UBE2E2: variants seen among roughly 807,000 people sequenced by gnomAD.
The protein encoded by UBE2E2 is ubiquitin-conjugating enzyme E2 E2.
A neutral mutation model predicts 24.7 loss-of-function variants in UBE2E2; 6 were observed. The observed-to-expected ratio is 0.24, with a 90% CI of 0.13 to 0.48. The LOEUF is 0.48. Among genes scored for constraint, UBE2E2 ranks in the 20% least tolerant of loss-of-function variants. The pLI is 0.99. For missense variants in UBE2E2, 169 were observed against 245.0 expected, an observed-to-expected ratio of 0.69 and a Z score of 2.07; for synonymous variants, 104 against 83.6, an observed-to-expected ratio of 1.24 and a Z score of -1.33.
chr3:23,578,954 ACTACTG>A (rs1446972917), intron 5 of UBE2E2, among the ~76,000 whole-genome samples: 1 of 152,166 alleles, frequency 6.6e-6, no homozygotes. Flanking sequence ...TTTAAATACT[ACTACTG>A]GTTGATAATA....
chr3:23,262,284 A>G (rs1697922920), intron 3 of UBE2E2, among the ~76,000 whole-genome samples: 1 of 152,072 alleles, frequency 6.6e-6, no homozygotes, highest in African/African-American at 2.4e-5. Context: ...GCTCTTACCA[A>G]TTTTTTAAAT....
At chr3:23,512,924 A>ACATACATACATACATG (rs771837873) in intron 4 of UBE2E2, among the ~76,000 whole-genome samples, 1 of 151,968 alleles carries the variant, frequency 6.6e-6, no homozygotes, top group Non-Finnish European at 1.5e-5. Context: ...CCTTGACCAT[A>ACATACATACATACATG]CATACATACA....
chr3:23,422,042 T>C (rs1211247783), intron 3 of UBE2E2, among the ~76,000 whole-genome samples: 1 of 152,214 alleles, frequency 6.6e-6, no homozygotes, highest in Non-Finnish European at 1.5e-5. Context: ...ACAACATTAA[T>C]GGGGCTGCCA....
chr3:23,329,030 T>TA (rs1346991500), intron 3 of UBE2E2, among the ~76,000 whole-genome samples: 1 of 152,250 alleles, frequency 6.6e-6, no homozygotes, highest in Non-Finnish European at 1.5e-5. Flanking sequence ...ACTCAATACT[T>TA]ACGCCCTTGC....
intron 3 of UBE2E2, among the ~76,000 whole-genome samples, chr3:23,406,380 G>C (rs1697356694): frequency 6.6e-6 from 1 of 152,162 alleles, no homozygotes; most frequent in African/African-American, 2.4e-5. Flanking sequence ...GAACTGATAT[G>C]TTTAACTCTT....
chr3:23,568,829 T>C (rs1258790017), intron 5 of UBE2E2, among the ~76,000 whole-genome samples: 1 of 151,418 alleles, frequency 6.6e-6, no homozygotes, highest in Non-Finnish European at 1.5e-5. Context: ...AAATCTAGTA[T>C]CCACAGATAA....
At chr3:23,349,675 TA>T (rs1398994180) in intron 3 of UBE2E2, among the ~76,000 whole-genome samples, 5 of 152,150 alleles carry the variant, frequency 3.3e-5, no homozygotes, top group Admixed American at 1.3e-4. Flanking sequence ...GCAGCGAGGC[TA>T]GGGGAGGGGC....
intron 3 of UBE2E2, among the ~76,000 whole-genome samples, chr3:23,241,666 A>G (rs1697263375): frequency 6.6e-6 from 1 of 152,006 alleles, no homozygotes; most frequent in African/African-American, 2.4e-5. Context: ...TTCTTTCCGT[A>G]GGAGTTAACA....
At chr3:23,291,507 T>A (rs1698764033) in intron 3 of UBE2E2, among the ~76,000 whole-genome samples, 1 of 152,144 alleles carries the variant, frequency 6.6e-6, no homozygotes, top group African/African-American at 2.4e-5. Context: ...TTTAATAAAA[T>A]GCAGAGACCG....
At chr3:23,237,634 G>C (rs1697147994) in intron 3 of UBE2E2, among the ~76,000 whole-genome samples, 1 of 151,868 alleles carries the variant, frequency 6.6e-6, no homozygotes, top group Non-Finnish European at 1.5e-5. Context: ...TGTGTTTATT[G>C]GTGAAAACAT....
intron 3 of UBE2E2, among the ~76,000 whole-genome samples, chr3:23,313,973 A>G (rs910867835): frequency 6.6e-6 from 1 of 152,176 alleles, no homozygotes; most frequent in Non-Finnish European, 1.5e-5. Context: ...TAATATAACC[A>G]TTATTTTAAA....
intron 3 of UBE2E2, among the ~76,000 whole-genome samples, chr3:23,423,514 C>T (rs1368740669): frequency 6.6e-6 from 1 of 152,000 alleles, no homozygotes; most frequent in Non-Finnish European, 1.5e-5. Context: ...TTGTTTATTT[C>T]TTATCAGGAT....
chr3:23,314,641 G>A (rs945603319), intron 3 of UBE2E2, among the ~76,000 whole-genome samples: 9 of 152,266 alleles, frequency 5.9e-5, no homozygotes, highest in Admixed American at 5.2e-4. Context: ...GACAGGTCTG[G>A]TGTTGATGAA....
intron 3 of UBE2E2, among the ~76,000 whole-genome samples, chr3:23,319,640 C>T (rs1047111598): frequency 2.6e-5 from 4 of 151,310 alleles, no homozygotes; most frequent in Non-Finnish European, 5.9e-5. Flanking sequence ...TTGTGAAATC[C>T]CGTCTCTACT....
intron 3 of UBE2E2, among the ~76,000 whole-genome samples, chr3:23,459,636 A>G (rs1169176065): frequency 2.0e-5 from 3 of 152,140 alleles, no homozygotes; most frequent in South Asian, 2.1e-4. Flanking sequence ...TAACCTTTCT[A>G]TTGCTCTGAG....
chr3:23,302,604 A>T (rs1321401035), intron 3 of UBE2E2, among the ~76,000 whole-genome samples: 1 of 152,216 alleles, frequency 6.6e-6, no homozygotes, highest in Non-Finnish European at 1.5e-5. Flanking sequence ...AGAGCTGGAA[A>T]GTAGTAGGCA....
At chr3:23,368,080 G>A (rs1696307962) in intron 3 of UBE2E2, among the ~76,000 whole-genome samples, 1 of 152,104 alleles carries the variant, frequency 6.6e-6, no homozygotes, top group African/African-American at 2.4e-5. Context: ...TTCATTTTGT[G>A]ATGGCATTTG....
chr3:23,403,616 T>A (rs530430226), intron 3 of UBE2E2, among the ~76,000 whole-genome samples: 1 of 151,456 alleles, frequency 6.6e-6, no homozygotes, highest in Non-Finnish European at 1.5e-5. Context: ...AGGTCAGGAG[T>A]TCAAGACCAG....
chr3:23,456,784 G>T (rs951326396), intron 3 of UBE2E2, among the ~76,000 whole-genome samples: 2 of 152,198 alleles, frequency 1.3e-5, no homozygotes, highest in Non-Finnish European at 2.9e-5. Flanking sequence ...TAGTAAGTGA[G>T]CATTGGCTTC....
Sources: allele counts gnomAD v4.1 joint callset (sites outside exome capture counted in the v4.1 genomes callset), GRCh38; gene constraint gnomAD v4.1.1; transcripts MANE v1.5; gene names NCBI Gene and HGNC (gene_info 2026-07-23, HGNC 2026-07-21).